Variants in PPARGC1A observed in about 807,000 individuals in gnomAD.
PPARGC1A encodes peroxisome proliferator-activated receptor gamma coactivator 1-alpha.
A neutral mutation model predicts 88.7 loss-of-function variants in PPARGC1A; 25 were observed. The ratio of observed to expected loss-of-function variants is 0.28; its 90% confidence interval spans 0.21 to 0.39. The LOEUF is 0.39. Ranked by LOEUF, PPARGC1A falls within the 10% of genes least tolerant of loss-of-function variation. PPARGC1A has a pLI of 1.00. For missense variants in PPARGC1A, 880 were observed against 968.7 expected (o/e 0.91, Z 1.22); for synonymous variants, 363 against 355.6 (o/e 1.02, Z -0.24).
chr4:23,865,226 T>A (rs1181646199), intron 2 of PPARGC1A, among the ~76,000 whole-genome samples: 1 of 152,098 alleles, frequency 6.6e-6, no homozygotes, highest in East Asian at 1.9e-4. Flanking sequence ...CAACCATCAA[T>A]GGACCACCTC....
chr4:24,437,856 A>T, the PPARGC1A span, among the ~76,000 whole-genome samples: 1 of 151,496 alleles, frequency 6.6e-6, no homozygotes, highest in African/African-American at 2.4e-5. Context: ...TTTGGTTTTT[A>T]AGTAGAGAAG....
At chr4:23,875,672 C>T (rs1177256514) in intron 2 of PPARGC1A, 1 of 152,104 alleles carries the variant, frequency 6.6e-6, no homozygotes, top group Non-Finnish European at 1.5e-5. Flanking sequence ...CAGCGATATT[C>T]TTCAGCTAAA....
chr4:24,317,710 GC>G, the PPARGC1A span, among the ~76,000 whole-genome samples: 1 of 151,602 alleles, frequency 6.6e-6, no homozygotes, highest in African/African-American at 2.4e-5. Flanking sequence ...CAGAGCTGTG[GC>G]TGCTGTTCTC....
At chr4:23,887,890 G>C (rs536550598) in intron 1 of PPARGC1A, among the ~76,000 whole-genome samples, 38 of 152,152 alleles carry the variant, frequency 2.5e-4, no homozygotes, top group Admixed American at 9.2e-4. Context: ...AGTCTTAGTG[G>C]GGTGTATGTC....
At chr4:23,889,829 C>A in intron 1 of PPARGC1A, 75 bp downstream of exon 1, 1 of 1,556,458 alleles carries the variant, frequency 6.4e-7, no homozygotes, top group East Asian at 2.3e-5. Flanking sequence ...CCAAGCCCAT[C>A]CCCCCTTACA....
intron 1 of PPARGC1A, among the ~76,000 whole-genome samples, chr4:23,895,962 GTGTGTGTGTGTGTGTGTGTA>G (rs1560531835): frequency 5.7e-5 from 3 of 52,468 alleles, no homozygotes; most frequent in African/African-American, 5.4e-4. Flanking sequence ...GTGTGTGTGT[GTGTGTGTGTGTGTGTGTGTA>G]TATATATATA....
chr4:23,943,823 T>C, the PPARGC1A span, among the ~76,000 whole-genome samples: 1 of 152,192 alleles, frequency 6.6e-6, no homozygotes, highest in African/African-American at 2.4e-5. Flanking sequence ...GCATTTCACC[T>C]CTGTGGCCTT....
chr4:24,001,434 AT>A, the PPARGC1A span, among the ~76,000 whole-genome samples: 8 of 151,742 alleles, frequency 5.3e-5, no homozygotes, highest in East Asian at 9.7e-4. Flanking sequence ...AACTCAAATG[AT>A]TTTTTTTTCT....
At chr4:24,163,025 C>T in the PPARGC1A span, among the ~76,000 whole-genome samples, 1,458 of 151,508 alleles carry the variant, frequency 9.6e-3, 18 homozygotes, top group African/African-American at 0.033. Flanking sequence ...ATCTCCTTTT[C>T]TAAAAAAATA....
chr4:23,846,958 C>T (rs1367323720), intron 2 of PPARGC1A, among the ~76,000 whole-genome samples: 1 of 152,114 alleles, frequency 6.6e-6, no homozygotes, highest in Non-Finnish European at 1.5e-5. Flanking sequence ...TTTCTTCTGA[C>T]TCTTACAGAG....
the PPARGC1A span, among the ~76,000 whole-genome samples, chr4:24,051,270 T>C: frequency 7.0e-6 from 1 of 142,568 alleles, no homozygotes; most frequent in Non-Finnish European, 1.5e-5. Context: ...TACTGACAAA[T>C]GGGAACATGA....
the PPARGC1A span, among the ~76,000 whole-genome samples, chr4:24,268,160 G>C: frequency 6.6e-6 from 1 of 152,144 alleles, no homozygotes; most frequent in Non-Finnish European, 1.5e-5. Context: ...TTGTAATCAA[G>C]CATAATGACC....
chr4:24,224,844 G>A, the PPARGC1A span, among the ~76,000 whole-genome samples: 6 of 152,188 alleles, frequency 3.9e-5, no homozygotes, highest in Admixed American at 1.3e-4. Flanking sequence ...GCGTGCTCAG[G>A]AGAGACCTCA....
At chr4:24,312,951 C>T in the PPARGC1A span, among the ~76,000 whole-genome samples, 1 of 151,980 alleles carries the variant, frequency 6.6e-6, no homozygotes, top group Admixed American at 6.6e-5. Context: ...AGTTCAGAAG[C>T]TTATTGAGAC....
At chr4:24,262,317 G>T in the PPARGC1A span, among the ~76,000 whole-genome samples, 1 of 152,192 alleles carries the variant, frequency 6.6e-6, no homozygotes, top group Non-Finnish European at 1.5e-5. Flanking sequence ...AGGTTCCGCA[G>T]AAGTGAAAGT....
At chr4:24,342,682 A>G in the PPARGC1A span, among the ~76,000 whole-genome samples, 1 of 152,208 alleles carries the variant, frequency 6.6e-6, no homozygotes, top group Non-Finnish European at 1.5e-5. Context: ...GCAAATGGGC[A>G]AAGTGATTAA....
the PPARGC1A span, among the ~76,000 whole-genome samples, chr4:24,159,079 C>A: frequency 5.9e-5 from 9 of 151,918 alleles, no homozygotes; most frequent in Non-Finnish European, 1.3e-4. Flanking sequence ...ATCACATTTG[C>A]TGAATGCTGG....
the PPARGC1A span, among the ~76,000 whole-genome samples, chr4:24,005,062 G>A: frequency 2.6e-5 from 4 of 152,150 alleles, no homozygotes; most frequent in African/African-American, 4.8e-5. Context: ...CTTCAAGGGG[G>A]TGGGAATCCT....
chr4:24,118,134 T>C, the PPARGC1A span, among the ~76,000 whole-genome samples: 1 of 152,128 alleles, frequency 6.6e-6, no homozygotes, highest in African/African-American at 2.4e-5. Context: ...GAAATCTTCC[T>C]GTCACCTGCA....
Sources: gnomAD v4.1 joint callset for allele counts (sites outside exome capture counted in the v4.1 genomes callset) on GRCh38, gnomAD v4.1.1 for gene constraint, MANE v1.5 for transcripts, NCBI Gene and HGNC (gene_info 2026-07-23, HGNC 2026-07-21) for gene names.